ANGPT1: variants seen among roughly 807,000 people sequenced by gnomAD.
ANGPT1 encodes the protein angiopoietin 1, also known as angiopoietin-1.
In ANGPT1, 17 loss-of-function variants were observed where a neutral mutation model predicts 62.2. The observed-to-expected ratio is 0.27, with a 90% confidence interval of 0.19 to 0.41. The LOEUF is 0.41. Among genes scored for constraint, ANGPT1 ranks in the 10% least tolerant of loss-of-function variants. ANGPT1 has a pLI of 1.00. For synonymous variants in ANGPT1, 199 were observed against 198.9 expected (o/e 1.00, Z 0.00); for missense variants, 478 against 594.9 (o/e 0.80, Z 2.04).
At chr8:107,343,956 T>A (rs548464750) in intron 2 of ANGPT1, among the ~76,000 whole-genome samples, 17 of 152,084 alleles carry the variant, frequency 1.1e-4, no homozygotes, top group Admixed American at 6.5e-5. Flanking sequence ...CAGCTGCTCA[T>A]GAGGCTGGAG....
chr8:107,355,616 C>T (rs1385262426), intron 1 of ANGPT1, among the ~76,000 whole-genome samples: 1 of 147,918 alleles, frequency 6.8e-6, no homozygotes, highest in African/African-American at 2.5e-5. Context: ...CTCTTTTTGA[C>T]TCATGTCTTT....
At chr8:107,295,801 A>G (rs1388899562) in intron 5 of ANGPT1, among the ~76,000 whole-genome samples, 1 of 152,172 alleles carries the variant, frequency 6.6e-6, no homozygotes, top group East Asian at 1.9e-4. Flanking sequence ...AAAAATATGG[A>G]TAAGAGCATA....
At chr8:107,449,609 C>A (rs58676797) in intron 1 of ANGPT1, among the ~76,000 whole-genome samples, 1 of 151,936 alleles carries the variant, frequency 6.6e-6, no homozygotes, top group East Asian at 1.9e-4. Context: ...ATAAATGAGA[C>A]CTATTTATTT....
intron 1 of ANGPT1, among the ~76,000 whole-genome samples, chr8:107,424,126 C>G (rs1038597926): frequency 2.7e-5 from 4 of 150,366 alleles, no homozygotes; most frequent in African/African-American, 9.8e-5. Flanking sequence ...CAGGAGTGAG[C>G]CACTGTGCCT....
intron 2 of ANGPT1, among the ~76,000 whole-genome samples, chr8:107,337,951 C>A (rs2130126180): frequency 6.6e-6 from 1 of 152,166 alleles, no homozygotes; most frequent in African/African-American, 2.4e-5. Context: ...CAAAAATTAA[C>A]TGGGCATGGT....
intron 1 of ANGPT1, among the ~76,000 whole-genome samples, chr8:107,410,004 T>A (rs1448877000): frequency 6.6e-6 from 1 of 151,992 alleles, no homozygotes; most frequent in Non-Finnish European, 1.5e-5. Flanking sequence ...CAAGATTTAT[T>A]GAGCCAGATG....
Position 107,362,147 on chromosome 8 carries a change from T to C in ANGPT1, c.298-15050A>G, listed in dbSNP as rs1160298849. Among the ~76,000 whole-genome samples the C allele has an allele frequency of 3.9e-5, 6 of 152,346 alleles. No homozygotes were observed. The East Asian group carries it at 1.2e-3, about 29-fold the overall frequency. On this transcript the variant is annotated intron_variant, in intron 1 of 8. Transcript: ENST00000517746. ...TTATACATTTTCACATACTTTCTTA[T>C]ATAAACACATTTCAATGAGCATTTA... is the stretch of plus-strand genomic sequence containing the variant.
chr8:107,280,054 A>T (rs1041075700), intron 7 of ANGPT1, among the ~76,000 whole-genome samples: 2 of 152,064 alleles, frequency 1.3e-5, no homozygotes, highest in African/African-American at 4.8e-5. Context: ...GACTTCAACT[A>T]ATCTGAAGTG....
At chr8:107,325,280 C>T (rs970855360) in intron 3 of ANGPT1, among the ~76,000 whole-genome samples, 4 of 152,206 alleles carry the variant, frequency 2.6e-5, no homozygotes, top group African/African-American at 9.7e-5. Context: ...AGTGTCTTAG[C>T]TTATTCTCTG....
At chr8:107,414,593 T>C (rs1810688160) in intron 1 of ANGPT1, among the ~76,000 whole-genome samples, 1 of 152,134 alleles carries the variant, frequency 6.6e-6, no homozygotes, top group African/African-American at 2.4e-5. Context: ...AAGAAAAAAA[T>C]GAGGGTGATA....
intron 3 of ANGPT1, chr8:107,322,818 C>T: frequency 4.3e-6 from 1 of 232,706 alleles, no homozygotes. Context: ...AATATACATT[C>T]TCAATCACAC....
At chr8:107,419,040 T>C (rs1474747516) in intron 1 of ANGPT1, among the ~76,000 whole-genome samples, 2 of 152,124 alleles carry the variant, frequency 1.3e-5, no homozygotes, top group Non-Finnish European at 2.9e-5. Flanking sequence ...TATGTGTACA[T>C]GTATCAATAG....
At chr8:107,389,954 T>C (rs901808253) in intron 1 of ANGPT1, among the ~76,000 whole-genome samples, 3 of 75,812 alleles carry the variant, frequency 4.0e-5, no homozygotes, top group African/African-American at 2.6e-4. Context: ...AAAAAAATCA[T>C]GCTGCAGTAA....
At chr8:107,453,927 T>C (rs931298460) in intron 1 of ANGPT1, among the ~76,000 whole-genome samples, 6 of 152,028 alleles carry the variant, frequency 3.9e-5, no homozygotes, top group Admixed American at 1.3e-4. Flanking sequence ...AATTCACACA[T>C]CTGTGAAGAA....
chr8:107,386,969 C>T (rs1379179700), intron 1 of ANGPT1, among the ~76,000 whole-genome samples: 3 of 151,984 alleles, frequency 2.0e-5, no homozygotes, highest in African/African-American at 7.2e-5. Context: ...TTATTAGACA[C>T]AAACTATGTG....
At chr8:107,329,649 T>TTG (rs1296970994) in intron 3 of ANGPT1, among the ~76,000 whole-genome samples, 3 of 151,420 alleles carry the variant, frequency 2.0e-5, no homozygotes, top group East Asian at 1.9e-4. Flanking sequence ...TTTTTATTAG[T>TTG]TGTGTGTGTG....
chr8:107,481,892 G>T (rs1396829974), intron 1 of ANGPT1, among the ~76,000 whole-genome samples: 1 of 152,180 alleles, frequency 6.6e-6, no homozygotes, highest in Non-Finnish European at 1.5e-5. Flanking sequence ...CTCCTATGAG[G>T]TCTCTCCCAC....
intron 2 of ANGPT1, among the ~76,000 whole-genome samples, chr8:107,342,773 A>T: frequency 7.0e-6 from 1 of 142,828 alleles, no homozygotes; most frequent in Non-Finnish European, 1.5e-5. Flanking sequence ...CTGTTCCTGA[A>T]CTGCCTAATA....
rs2130554874 is a variant in ANGPT1, at chr8:107,497,687, T to A, written c.-129A>T. The A allele has an allele frequency of 9.4e-7, 1 of 1,062,606 alleles. No individual in the cohort carries two copies. The highest frequency in any genetic ancestry group is 1.6e-5 in the African/African-American group (1 of 62,302). The allele number at this position is 1,062,606 out of a possible 1,614,324, so 65.8% of individuals were successfully genotyped here. On this transcript the variant is annotated 5_prime_UTR_variant, in exon 1 of 9. Coordinates refer to ENST00000517746, the MANE Select transcript of ANGPT1 (RefSeq NM_001146.5). The stretch of plus-strand genomic sequence containing the variant: ...ACTCTTTCCCCCTCAAAGAAAGCGT[T>A]TGAAGAAGAATCATAGAAAACTAGC...
Sources: allele counts gnomAD v4.1 joint callset (sites outside exome capture counted in the v4.1 genomes callset), GRCh38; gene constraint gnomAD v4.1.1; transcripts MANE v1.5; gene names NCBI Gene and HGNC (gene_info 2026-07-23, HGNC 2026-07-21).